The following COL23A1 variants were observed in gnomAD, a reference collection of about 807,000 sequenced individuals.
COL23A1 encodes the protein collagen alpha-1(XXIII) chain.
In COL23A1, 97 loss-of-function variants were observed where a neutral mutation model predicts 99.3. The observed-to-expected ratio is 0.98, with a 90% CI of 0.83 to 1.16. COL23A1 has a LOEUF of 1.16. COL23A1 is among the 50% of genes most tolerant of loss of function. The probability of loss-of-function intolerance (pLI) is 0.00; values close to 1 mark genes in which losing one functional copy is unlikely to be tolerated. For missense variants in COL23A1, 762 were observed against 757.4 expected, an observed-to-expected ratio of 1.01 and a Z score of -0.07; for synonymous variants, 320 against 308.2, an observed-to-expected ratio of 1.04 and a Z score of -0.40.
chr5:178,466,410 T>A (rs1472812270), intron 2 of COL23A1, among the ~76,000 whole-genome samples: 1 of 152,190 alleles, frequency 6.6e-6, no homozygotes, highest in Non-Finnish European at 1.5e-5. Flanking sequence ...AGCCTGGACC[T>A]TTCGTCCTGT....
At chr5:178,464,147 C>T (rs777573587) in intron 2 of COL23A1, among the ~76,000 whole-genome samples, 1 of 152,220 alleles carries the variant, frequency 6.6e-6, no homozygotes, top group Non-Finnish European at 1.5e-5. Flanking sequence ...GTGGCCATCA[C>T]CACGTCGACT....
Position 178,544,155 on chromosome 5 carries a change from T to C in COL23A1, c.361+16527A>G, listed in dbSNP as rs1435535557. Among the ~76,000 whole-genome samples the C allele has an allele frequency of 6.6e-6, 1 of 152,046 alleles. No homozygotes were observed. Among genetic ancestry groups the C allele is most frequent in the Admixed American group, 6.5e-5 (1 of 15,268 alleles). On this transcript the variant is annotated intron_variant, in intron 2 of 28. Transcript: ENST00000390654. This position sits in a 1 kb window ranked among gnomAD's most constrained non-coding sequence, Gnocchi z 4.4. ...TCCCTCCTTACACTCTCCCTCCTCC[T>C]GCAAGCACTCTTCCCACCTGAGTTT...
intron 2 of COL23A1, among the ~76,000 whole-genome samples, chr5:178,318,951 C>T (rs1237354431): frequency 1.3e-5 from 2 of 151,154 alleles, no homozygotes; most frequent in Non-Finnish European, 2.9e-5. Flanking sequence ...GTCAGGTGAA[C>T]CTGAATACTT....
intron 2 of COL23A1, among the ~76,000 whole-genome samples, chr5:178,557,734 G>C (rs1286111685): frequency 6.6e-6 from 1 of 152,212 alleles, no homozygotes; most frequent in African/African-American, 2.4e-5. Context: ...ACACGCTGGA[G>C]AGCCTTGGAG....
At chr5:178,364,607 G>A (rs1042073368) in intron 2 of COL23A1, among the ~76,000 whole-genome samples, 14 of 152,122 alleles carry the variant, frequency 9.2e-5, no homozygotes, top group African/African-American at 1.9e-4. Context: ...AGCAGACACC[G>A]AATTATAGTT....
At chr5:178,479,269 G>A (rs1046985626) in intron 2 of COL23A1, among the ~76,000 whole-genome samples, 4 of 152,178 alleles carry the variant, frequency 2.6e-5, no homozygotes, top group Admixed American at 6.5e-5. Context: ...AAAGCCCCCT[G>A]CCCCAAATCA....
intron 1 of COL23A1, among the ~76,000 whole-genome samples, chr5:178,580,751 GGCTCAT>G (rs1763623432): frequency 6.6e-6 from 1 of 152,220 alleles, no homozygotes. Context: ...GGGTGTGGTT[GGCTCAT>G]GCCTGTAATC....
At chr5:178,424,299 C>T (rs1379825505) in intron 2 of COL23A1, among the ~76,000 whole-genome samples, 1 of 152,264 alleles carries the variant, frequency 6.6e-6, no homozygotes, top group East Asian at 1.9e-4. Flanking sequence ...CTTGTTAAAA[C>T]ATCTTCGCCG....
intron 5 of COL23A1, among the ~76,000 whole-genome samples, chr5:178,283,044 T>C (rs1005623421): frequency 3.9e-5 from 6 of 152,074 alleles, no homozygotes; most frequent in Non-Finnish European, 7.3e-5. Flanking sequence ...CTAGTTTTTG[T>C]ATTTTTATTT....
chr5:178,319,510 G>A (rs1321935894), intron 2 of COL23A1, among the ~76,000 whole-genome samples: 1 of 152,174 alleles, frequency 6.6e-6, no homozygotes, highest in Non-Finnish European at 1.5e-5. Flanking sequence ...GTTCTAGGTG[G>A]GCAGGTGAGG....
chr5:178,288,301 CA>C (rs5873603), intron 5 of COL23A1, 22 bp downstream of exon 5: 1,077,199 of 1,581,908 alleles, frequency 0.68, 378,580 homozygotes, highest in Non-Finnish European at 0.73. Flanking sequence ...GTGAAGAGAG[CA>C]AAAAAATAAA....
At chr5:178,304,192 G>A (rs527813453) in intron 3 of COL23A1, among the ~76,000 whole-genome samples, 152 of 152,192 alleles carry the variant, frequency 1.0e-3, no homozygotes, top group African/African-American at 3.1e-3. Context: ...AATCCCAGCC[G>A]GGCACTGCCC....
chr5:178,563,791 C>A (rs1477034171), intron 1 of COL23A1, among the ~76,000 whole-genome samples: 2 of 152,102 alleles, frequency 1.3e-5, no homozygotes, highest in African/African-American at 4.8e-5. Context: ...CTTGGCCTCT[C>A]AAAGTGTGGG....
At chr5:178,258,262 T>TATATATATATATATATATGTATATAC in intron 12 of COL23A1, among the ~76,000 whole-genome samples, 1 of 104,066 alleles carries the variant, frequency 9.6e-6, no homozygotes, top group Non-Finnish European at 2.2e-5. Context: ...TATATATATA[T>TATATATATATATATATATGTATATAC]ACACATGCAA....
intron 2 of COL23A1, among the ~76,000 whole-genome samples, chr5:178,473,896 A>G (rs1756896787): frequency 6.6e-6 from 1 of 152,178 alleles, no homozygotes; most frequent in Non-Finnish European, 1.5e-5. Context: ...CCAGATTATG[A>G]ATTTTGTGTT....
chr5:178,425,653 CAG>C (rs1412699091), intron 2 of COL23A1, among the ~76,000 whole-genome samples: 3 of 152,074 alleles, frequency 2.0e-5, no homozygotes, highest in African/African-American at 7.2e-5. Context: ...TCAATGAATG[CAG>C]AGTTTGGGTC....
At position 178,256,390 on chromosome 5, in the gene COL23A1, G is replaced by T; in HGVS notation, c.845C>A (p.Pro282His). The T allele has an allele frequency of 1.2e-6, 2 of 1,607,038 alleles. No individual in the cohort carries two copies. Among genetic ancestry groups the T allele is most frequent in the South Asian group, 1.1e-5 (1 of 90,426 alleles). ...VDGAPGPKGEPGHRGTDGAAG... is the reference protein window; with the variant it reads ...VDGAPGPKGEHGHRGTDGAAG... Reference sequence around the variant, plus strand: ...AGCTCCATCCGTGCCTCGGTGGCCAGGCTCCCCCTGTGGAGACATGCATTT... The same window carrying T: ...AGCTCCATCCGTGCCTCGGTGGCCATGCTCCCCCTGTGGAGACATGCATTT... The change falls in exon 15 of 29, where the codon CCT (proline) becomes CAT (histidine). Residue 282 changes from proline to histidine, a missense_variant. Physicochemically the swap from Pro to His is moderately conservative, Grantham distance 77. Transcript: ENST00000390654.
chr5:178,239,076 C>T, intron 28 of COL23A1, 65 bp downstream of exon 28: 1 of 1,561,168 alleles, frequency 6.4e-7, no homozygotes, highest in South Asian at 1.1e-5. Context: ...GCTCTGGGGC[C>T]CTCCCATTCC....
chr5:178,354,680 A>T (rs1352078296), intron 2 of COL23A1, among the ~76,000 whole-genome samples: 2 of 152,100 alleles, frequency 1.3e-5, no homozygotes, highest in African/African-American at 4.8e-5. Context: ...ATCCACCATG[A>T]TTGTAAGTTT....
Sources: allele counts gnomAD v4.1 joint callset (sites outside exome capture counted in the v4.1 genomes callset), GRCh38; gene constraint gnomAD v4.1.1; non-coding constraint Gnocchi (gnomAD v3.1); transcripts MANE v1.5; gene names NCBI Gene and HGNC (gene_info 2026-07-23, HGNC 2026-07-21).